CNTNAP3: variants seen among roughly 807,000 people sequenced by gnomAD.
CNTNAP3 encodes contactin associated protein family member 3, also known as contactin-associated protein-like 3.
Under a neutral mutation model 92.1 loss-of-function variants are expected in CNTNAP3, and 36 were observed. That is an observed-to-expected ratio of 0.39 (90% CI 0.30 to 0.52). The LOEUF is 0.52. CNTNAP3 is among the 20% of genes least tolerant of loss of function. CNTNAP3 has a pLI of 0.76. For missense variants in CNTNAP3, 534 were observed against 1,069.6 expected, an observed-to-expected ratio of 0.50 and a Z score of 6.98; for synonymous variants, 232 against 422.3, an observed-to-expected ratio of 0.55 and a Z score of 5.53.
intron 10 of CNTNAP3, among the ~76,000 whole-genome samples, chr9:39,148,526 CT>C (rs887513999): frequency 0.16 from 21,455 of 137,836 alleles, 1,527 homozygotes; most frequent in East Asian, 0.19. Context: ...GCAGATATAA[CT>C]TTTTTTTTTT....
chr9:39,120,467 C>T (rs912433160), intron 13 of CNTNAP3, among the ~76,000 whole-genome samples: 12 of 152,128 alleles, frequency 7.9e-5, no homozygotes, highest in African/African-American at 2.7e-4. Flanking sequence ...GAGGTCAGAT[C>T]GAAACCATCC....
chr9:39,090,297 A>G lies in CNTNAP3; in HGVS notation c.2996-1650T>C, dbSNP rs541426402. 2.6e-3 allele frequency among the ~76,000 whole-genome samples: 402 copies of G among 152,314 alleles called. 2 individuals carry two copies. Among genetic ancestry groups the G allele is most frequent in the African/African-American group, 9.1e-3 (377 of 41,574 alleles). ...TGAATACTAGACCCTTATAAGAGACATGATTTGCAATACTTTCTTCCATTC... is the reference window on the plus strand; with the variant it reads ...TGAATACTAGACCCTTATAAGAGACGTGATTTGCAATACTTTCTTCCATTC... On this transcript the variant is annotated intron_variant, in intron 18 of 23. Coordinates refer to ENST00000297668, the MANE Select transcript of CNTNAP3 (RefSeq NM_033655.5).
At chr9:39,104,540 G>A (rs1251925921) in intron 15 of CNTNAP3, among the ~76,000 whole-genome samples, 1 of 144,494 alleles carries the variant, frequency 6.9e-6, no homozygotes, top group Non-Finnish European at 1.5e-5. Flanking sequence ...TTCCTTTCAT[G>A]GCAAGAACAA....
intron 14 of CNTNAP3, among the ~76,000 whole-genome samples, chr9:39,109,966 T>A (rs1826703357): frequency 6.6e-6 from 1 of 152,228 alleles, no homozygotes; most frequent in South Asian, 2.1e-4. Context: ...TACTGGGTAT[T>A]TCTTTCCTTG....
chr9:39,138,407 A>T (rs1189152890), intron 12 of CNTNAP3, among the ~76,000 whole-genome samples: 1 of 152,188 alleles, frequency 6.6e-6, no homozygotes, highest in Non-Finnish European at 1.5e-5. Flanking sequence ...GGATGGCCAG[A>T]GGTGGGTAAT....
chr9:39,113,219 G>A (rs560502319), intron 14 of CNTNAP3, among the ~76,000 whole-genome samples: 16 of 152,108 alleles, frequency 1.1e-4, no homozygotes, highest in Middle Eastern at 6.8e-3. Flanking sequence ...AATCACCCCC[G>A]ATTGAGAACT....
Position 39,078,774 on chromosome 9 carries a change from C to T in CNTNAP3, c.3589G>A (p.Val1197Met). ...GPSRVTVRGH[V>M]APMARCAAGA... Reference sequence around the variant, plus strand: ...GCTGCGCAGCGGGCCATAGGGGCCACGTGGCCGCGGACGGTGACCCGGGAG... The same window carrying T: ...GCTGCGCAGCGGGCCATAGGGGCCATGTGGCCGCGGACGGTGACCCGGGAG... Residue 1197 changes from valine (V) to methionine (M), a missense_variant, in exon 22 of 24, where the codon GTG (valine) becomes ATG (methionine). Coordinates refer to ENST00000297668, the MANE Select transcript of CNTNAP3 (RefSeq NM_033655.5). 5 of 1,519,778 alleles carry T rather than the reference C, an allele frequency of 3.3e-6. No individual in the cohort carries two copies. The highest frequency in any genetic ancestry group is 2.4e-5 in the South Asian group (2 of 82,096). 94.1% of individuals were successfully genotyped at this position (1,519,778 alleles called of 1,614,324 possible).
Position 39,159,657 on chromosome 9 carries a change from TAGATAGATAG to T in CNTNAP3, c.1477+6266_1477+6275del, listed in dbSNP as rs1449510199. 1.9e-3 allele frequency: 273 copies of T among 141,732 alleles called. 4 individuals carry two copies. The highest frequency in any genetic ancestry group is 7.3e-3 in the African/African-American group (255 of 35,150). 8.8% of individuals were successfully genotyped at this position (141,732 alleles called of 1,614,324 possible). A position where few individuals can be genotyped will look rare whatever the true frequency, so the allele number is the denominator to read the frequency against. ...ATAGATAGATAGATAGATAGATAGA[TAGATAGATAG>T]ATAGATATATGTAATCTTTTTCAGT... On this transcript the variant is annotated intron_variant, in intron 9 of 23. Coordinates refer to ENST00000297668, the MANE Select transcript of CNTNAP3 (RefSeq NM_033655.5).
chr9:39,089,580 T>C (rs919331605), intron 18 of CNTNAP3, among the ~76,000 whole-genome samples: 36 of 152,306 alleles, frequency 2.4e-4, no homozygotes, highest in African/African-American at 8.2e-4. Flanking sequence ...AATATATACC[T>C]AGGAGTAAAA....
At position 39,253,145 on chromosome 9, in the gene CNTNAP3, A is replaced by AAT. The variant is rs748829854; in HGVS notation, c.196+13749_196+13750dup. On this transcript the variant is annotated intron_variant, in intron 2 of 23. Coordinates refer to ENST00000297668, the MANE Select transcript of CNTNAP3 (RefSeq NM_033655.5). ...ATTAAGTACACACTGACTCTCTCTA[A>AAT]ATATATATATATATATATATATACA... Among the ~76,000 whole-genome samples the AAT allele has an allele frequency of 4.8e-3, 29 of 5,988 alleles. 13 individuals are homozygous for AAT. Among genetic ancestry groups the AAT allele is most frequent in the African/African-American group, 5.5e-3 (29 of 5,310 alleles). 3.9% of individuals were successfully genotyped at this position (5,988 alleles called of 152,430 possible). A position where few individuals can be genotyped will look rare whatever the true frequency, so the allele number is the denominator to read the frequency against.
chr9:39,100,265 A>T, intron 17 of CNTNAP3, 115 bp from the exon 18 acceptor site: 1 of 1,558,252 alleles, frequency 6.4e-7, no homozygotes. Context: ...TGTGTCAAAA[A>T]ATTTTGTGAA....
intron 13 of CNTNAP3, among the ~76,000 whole-genome samples, chr9:39,130,878 T>C (rs1450881399): frequency 3.3e-5 from 5 of 151,586 alleles, no homozygotes; most frequent in Admixed American, 2.0e-4. Context: ...GGCTGTGATA[T>C]TGCACTATAC....
chr9:39,087,915 G>T (rs1261252737), intron 19 of CNTNAP3, among the ~76,000 whole-genome samples: 1 of 152,086 alleles, frequency 6.6e-6, no homozygotes, highest in Non-Finnish European at 1.5e-5. Flanking sequence ...TGTTTGAGAG[G>T]TTGTCATTAC....
rs1825752703 is a variant in CNTNAP3, at chr9:39,076,024, CT to C, written c.3746-2014del. ...GTCCCTATTAGAAAATGCAAACTGC[CT>C]CTGGGAAAGCCCAGGGGAAGCCTTC... On this transcript the variant is annotated intron_variant, in intron 23 of 23. Transcript: ENST00000297668. Among the ~76,000 whole-genome samples the C allele has an allele frequency of 4.6e-5, 7 of 152,414 alleles. No individual in the cohort carries two copies. In the South Asian group the frequency reaches 1.4e-3, roughly 32 times the overall value.
At position 39,073,045 on chromosome 9, in the gene CNTNAP3, T is replaced by G. The variant is rs1257190245; in HGVS notation, c.*845A>C. The G allele has an allele frequency of 6.5e-6, 1 of 152,686 alleles. No homozygotes were observed. Among genetic ancestry groups the G allele is most frequent in the Non-Finnish European group, 1.5e-5 (1 of 68,072 alleles). The allele number at this position is 152,686 out of a possible 1,614,324, so 9.5% of individuals were successfully genotyped here. ...TAATCACAAGTTACAAAAACTGTAATTACAAATTACAAAGAAAAACAGGCA... is the reference window on the plus strand; with the variant it reads ...TAATCACAAGTTACAAAAACTGTAAGTACAAATTACAAAGAAAAACAGGCA... On this transcript the variant is annotated 3_prime_UTR_variant, in exon 24 of 24. Coordinates refer to ENST00000297668, the MANE Select transcript of CNTNAP3 (RefSeq NM_033655.5).
chr9:39,115,803 C>T (rs1013491035), intron 14 of CNTNAP3, among the ~76,000 whole-genome samples: 2 of 151,992 alleles, frequency 1.3e-5, no homozygotes, highest in Non-Finnish European at 2.9e-5. Context: ...CAGTTCCTCC[C>T]ATTCCCCTCC....
intron 20 of CNTNAP3, 142 bp from the exon 21 acceptor site, chr9:39,085,965 T>C: frequency 5.0e-6 from 4 of 805,758 alleles, no homozygotes; most frequent in Non-Finnish European, 8.3e-6. Context: ...CACCTTCAAA[T>C]AATTAATCAT....
intron 21 of CNTNAP3, chr9:39,085,410 A>T (rs547004417): frequency 2.9e-6 from 1 of 347,100 alleles, no homozygotes; most frequent in African/African-American, 2.2e-5. Flanking sequence ...TGATTAATAC[A>T]TACATAATCT....
intron 23 of CNTNAP3, among the ~76,000 whole-genome samples, chr9:39,076,723 C>G (rs537690513): frequency 1.3e-5 from 2 of 152,424 alleles, no homozygotes; most frequent in Admixed American, 1.3e-4. Flanking sequence ...AATCCTAGCA[C>G]TTTGGGAGGC....
Sources: allele counts gnomAD v4.1 joint callset (sites outside exome capture counted in the v4.1 genomes callset), GRCh38; gene constraint gnomAD v4.1.1; transcripts MANE v1.5; gene names NCBI Gene and HGNC (gene_info 2026-07-23, HGNC 2026-07-21).